CDH26: variants seen among roughly 807,000 people sequenced by gnomAD.
The protein encoded by CDH26 is cadherin-like protein 26.
CDH26 carries 83 observed loss-of-function variants against 90.3 expected under a neutral mutation model. The observed-to-expected ratio is 0.92, with a 90% CI of 0.77 to 1.10. The LOEUF (loss-of-function observed/expected upper bound fraction) is 1.10, where lower values mean the gene tolerates loss of function less well. Among genes scored for constraint, CDH26 ranks in the 50% least tolerant of loss-of-function variants. The pLI is 0.00. For synonymous variants in CDH26, 397 were observed against 396.3 expected, an observed-to-expected ratio of 1.00 and a Z score of -0.02; for missense variants, 1,013 against 1,037.6, an observed-to-expected ratio of 0.98 and a Z score of 0.33.
chr20:59,993,885 G>A (rs1336484931), intron 10 of CDH26, among the ~76,000 whole-genome samples: 1 of 152,128 alleles, frequency 6.6e-6, no homozygotes, highest in South Asian at 2.1e-4. Flanking sequence ...GAGACGCAGC[G>A]CATTTGCCTC....
chr20:59,968,958 AT>A lies in CDH26; in HGVS notation c.70-4del. ...TTCTCTACTAATTAATATTATTTTT[AT>A]TTTTAAGGTCAGTATCATTGACAGT... On this transcript the variant is annotated splice_region_variant and splice_polypyrimidine_tract_variant and intron_variant, in intron 1 of 17. Transcript: ENST00000348616. 6.8e-7 allele frequency: 1 copy of A among 1,472,506 alleles called. No homozygotes were observed. The highest frequency in any genetic ancestry group is 9.4e-7 in the Non-Finnish European group (1 of 1,060,300). The allele number at this position is 1,472,506 out of a possible 1,614,324, so 91.2% of individuals were successfully genotyped here.
chr20:59,966,180 G>A (rs900688018), intron 1 of CDH26, among the ~76,000 whole-genome samples: 3 of 146,570 alleles, frequency 2.0e-5, no homozygotes, highest in Non-Finnish European at 3.0e-5. Context: ...ATACCCTGGC[G>A]TGAATCATCA....
At chr20:59,995,764 G>A (rs764132452) in intron 11 of CDH26, 69 bp from the exon 12 acceptor site, 14 of 1,433,648 alleles carry the variant, frequency 9.8e-6, no homozygotes, top group Non-Finnish European at 1.4e-5. Context: ...AGGGCGTTCA[G>A]TAAGCGTGTG....
intron 16 of CDH26, among the ~76,000 whole-genome samples, chr20:60,003,721 T>G (rs2061704544): frequency 6.6e-6 from 1 of 152,226 alleles, no homozygotes; most frequent in African/African-American, 2.4e-5. Flanking sequence ...TTGAAATAAT[T>G]TGTAAATAAT....
Position 60,002,853 on chromosome 20 carries a change from TAC to T in CDH26, c.2210_2211del (p.His737LeufsTer39). 1 of 1,598,156 alleles carries T rather than the reference TAC, an allele frequency of 6.3e-7. No homozygotes were observed. The highest frequency in any genetic ancestry group is 1.3e-5 in the African/African-American group (1 of 74,810). On this transcript the variant is annotated frameshift_variant, in exon 16 of 18. Transcript: ENST00000348616. LOFTEE classifies it high-confidence loss of function. ...TTTGAGCCAAGAAGTGTGAAAAACA[TAC>T]ACTCTACTCCTGTAAGTATAGATGT...
downstream of CDH26, among the ~76,000 whole-genome samples, chr20:60,017,112 G>A (rs1337358500): frequency 1.3e-5 from 2 of 152,002 alleles, no homozygotes; most frequent in African/African-American, 2.4e-5. Flanking sequence ...TGGAATGAGA[G>A]TTATGCTGGC....
At chr20:59,971,367 T>C (rs2061259540) in intron 3 of CDH26, among the ~76,000 whole-genome samples, 1 of 152,194 alleles carries the variant, frequency 6.6e-6, no homozygotes, top group African/African-American at 2.4e-5. Context: ...CGGTCAATGA[T>C]ATTGCCTACA....
chr20:60,009,017 ATG>A (rs1433407808), intron 17 of CDH26, among the ~76,000 whole-genome samples: 1 of 152,202 alleles, frequency 6.6e-6, no homozygotes, highest in Admixed American at 6.5e-5. Flanking sequence ...GGAAATTTCC[ATG>A]TGTCTCTCCC....
chr20:59,982,216 T>C (rs1276782266), intron 4 of CDH26, among the ~76,000 whole-genome samples: 2 of 152,216 alleles, frequency 1.3e-5, no homozygotes, highest in Admixed American at 1.3e-4. Flanking sequence ...AGAATCGCTT[T>C]TGGTTACATG....
At chr20:59,977,000 C>T (rs1324420540) in intron 4 of CDH26, among the ~76,000 whole-genome samples, 1 of 152,078 alleles carries the variant, frequency 6.6e-6, no homozygotes, top group South Asian at 2.1e-4. Context: ...GAAGAATCGG[C>T]GGAAGGTGCA....
chr20:59,963,493 T>C (rs2061104594), intron 1 of CDH26, among the ~76,000 whole-genome samples: 1 of 152,198 alleles, frequency 6.6e-6, no homozygotes, highest in Non-Finnish European at 1.5e-5. Context: ...TCTTCTAAAC[T>C]TATAAATCCA....
intron 8 of CDH26, among the ~76,000 whole-genome samples, chr20:60,033,093 T>C (rs1377357863): frequency 2.0e-5 from 3 of 152,220 alleles, no homozygotes; most frequent in Non-Finnish European, 4.4e-5. Flanking sequence ...ATTTAGAGCA[T>C]TGGCTTTGGT....
rs1472495872 is a variant in CDH26 at position 59,992,745 on chromosome 20, A to G, written c.1426+225A>G. Among the ~76,000 whole-genome samples, 1 of 152,212 alleles carries G rather than the reference A, an allele frequency of 6.6e-6. No individual in the cohort carries two copies. Among genetic ancestry groups the G allele is most frequent in the African/African-American group, 2.4e-5 (1 of 41,452 alleles). On this transcript the variant is annotated intron_variant, in intron 10 of 17. Transcript: ENST00000348616. The surrounding 1 kb of genome is among the most constrained non-coding windows in gnomAD (Gnocchi z 5.0). ...AGTATTCATTCAGAAGAGACAATTA[A>G]ACCAGCAAGGAGGCTGCAATCAAAC...
chr20:59,988,233 C>T (rs2061482218), intron 8 of CDH26, among the ~76,000 whole-genome samples: 1 of 152,164 alleles, frequency 6.6e-6, no homozygotes, highest in Non-Finnish European at 1.5e-5. Flanking sequence ...AGTGGAGGAT[C>T]CCACTGGGGC....
At chr20:60,020,200 T>C (rs992748656) in intron 7 of CDH26, among the ~76,000 whole-genome samples, 1 of 152,226 alleles carries the variant, frequency 6.6e-6, no homozygotes, top group Non-Finnish European at 1.5e-5. Context: ...GGATCATGCC[T>C]GCCAGGGGCA....
At chr20:59,963,872 A>T (rs2061110715) in intron 1 of CDH26, among the ~76,000 whole-genome samples, 1 of 151,832 alleles carries the variant, frequency 6.6e-6, no homozygotes, top group Admixed American at 6.6e-5. Flanking sequence ...AAAAAAAAAG[A>T]GGCTTTCCTC....
intron 5 of CDH26, 90 bp from the exon 6 acceptor site, chr20:59,984,549 C>T (rs2061429303): frequency 4.9e-6 from 5 of 1,015,192 alleles, no homozygotes; most frequent in Middle Eastern, 2.4e-4. Context: ...TGGTATATGC[C>T]CCAATGCCAT....
At chr20:60,031,582 T>C (rs1237389650) in intron 8 of CDH26, among the ~76,000 whole-genome samples, 1 of 152,234 alleles carries the variant, frequency 6.6e-6, no homozygotes, top group Admixed American at 6.5e-5. Context: ...AGGAGTATGA[T>C]CTTCACAGAA....
intron 1 of CDH26, among the ~76,000 whole-genome samples, chr20:59,961,237 T>C (rs2061068902): frequency 1.3e-5 from 2 of 152,106 alleles, no homozygotes; most frequent in Non-Finnish European, 2.9e-5. Flanking sequence ...CTGAATTCTC[T>C]TCCCTCTGGC....
Sources: gnomAD v4.1 joint callset for allele counts (sites outside exome capture counted in the v4.1 genomes callset) on GRCh38, gnomAD v4.1.1 for gene constraint, Gnocchi (gnomAD v3.1) non-coding constraint, MANE v1.5 for transcripts, NCBI Gene and HGNC (gene_info 2026-07-23, HGNC 2026-07-21) for gene names.